TFG: variants seen among roughly 807,000 people sequenced by gnomAD.
TFG encodes trafficking from ER to golgi regulator, also known as protein TFG.
TFG carries 22 observed loss-of-function variants against 51.4 expected under a neutral mutation model. That is an observed-to-expected ratio of 0.43 (90% CI 0.31 to 0.61). The LOEUF (loss-of-function observed/expected upper bound fraction) is 0.61. Among genes scored for constraint, TFG ranks in the 20% least tolerant of loss-of-function variants. The pLI is 0.12. For missense variants in TFG, 419 were observed against 487.7 expected (o/e 0.86, Z 1.33); for synonymous variants, 187 against 165.6 (o/e 1.13, Z -0.99).
rs72928994 is a variant in TFG at position 100,720,814 on chromosome 3, C to T, written c.268+756C>T. On this transcript the variant is annotated intron_variant, in intron 3 of 7. Coordinates refer to ENST00000240851, the MANE Select transcript of TFG (RefSeq NM_006070.6). ...TTTCTTTTAGATCTTAATAGATATGCAAGGCAGAACTCTTAAGGGACAAGA... is the reference window on the plus strand; with the variant it reads ...TTTCTTTTAGATCTTAATAGATATGTAAGGCAGAACTCTTAAGGGACAAGA... Among the ~76,000 whole-genome samples the T allele has an allele frequency of 4.9e-3, 742 of 152,216 alleles. 6 individuals are homozygous for T. The highest frequency in any genetic ancestry group is 0.017 in the African/African-American group (709 of 41,536).
At chr3:100,747,756 A>C (rs1461645501) in intron 7 of TFG, among the ~76,000 whole-genome samples, 1 of 152,194 alleles carries the variant, frequency 6.6e-6, no homozygotes, top group Non-Finnish European at 1.5e-5. Flanking sequence ...TCATATAAAA[A>C]TGTTCATTCT....
intron 3 of TFG, among the ~76,000 whole-genome samples, chr3:100,725,569 G>A (rs929892958): frequency 1.3e-5 from 2 of 148,608 alleles, no homozygotes; most frequent in Non-Finnish European, 3.0e-5. Flanking sequence ...ACGAGGTCAG[G>A]AGTTCGAGAC....
Position 100,748,309 on chromosome 3 carries a change from A to G in TFG, c.981A>G (p.Gln327=), listed in dbSNP as rs759578675. The part of the protein sequence containing the change: ...QQYQASNYPA[Q]TYTAQTSQPT... Reference sequence around the variant, plus strand: ...ACCAGGCGAGCAATTATCCTGCACAAACTTACACTGCCCAAACTTCTCAGC... The same window carrying G: ...ACCAGGCGAGCAATTATCCTGCACAGACTTACACTGCCCAAACTTCTCAGC... The change falls in exon 8 of 8, where the codon CAA becomes CAG. Residue 327 remains glutamine (Q), a synonymous_variant. Coordinates refer to ENST00000240851, the MANE Select transcript of TFG (RefSeq NM_006070.6). The G allele has an allele frequency of 1.7e-5, 27 of 1,613,812 alleles. No homozygotes were observed. In the East Asian group the frequency reaches 5.8e-4, roughly 35 times the overall value.
intron 2 of TFG, among the ~76,000 whole-genome samples, chr3:100,717,206 T>C (rs142528467): frequency 6.6e-6 from 1 of 152,362 alleles, no homozygotes; most frequent in Admixed American, 6.5e-5. Flanking sequence ...GTTCTATGTG[T>C]TCTATTGATC....
chr3:100,742,270 C>T (rs1048571168), intron 6 of TFG, among the ~76,000 whole-genome samples: 3 of 152,156 alleles, frequency 2.0e-5, no homozygotes, highest in South Asian at 4.1e-4. Context: ...AGTGAGATGA[C>T]GTATGAGGAA....
intron 5 of TFG, 112 bp downstream of exon 5, chr3:100,732,784 C>A: frequency 2.2e-6 from 2 of 910,534 alleles, no homozygotes; most frequent in Non-Finnish European, 1.6e-6. Context: ...GTGCACAAAT[C>A]TTAAGGGTTC....
In TFG at chr3:100,713,696, A is replaced by G; in HGVS notation, c.11A>G (p.Gln4Arg). 1 of 1,602,972 alleles carries G rather than the reference A, an allele frequency of 6.2e-7. No homozygotes were observed. The highest frequency in any genetic ancestry group is 8.5e-7 in the Non-Finnish European group (1 of 1,172,996). Reference sequence around the variant, plus strand: ...ATCCTGGAGTCCACCATGAACGGACAGTTGGATCTAAGTGGGAAGCTAATC... The same window carrying G: ...ATCCTGGAGTCCACCATGAACGGACGGTTGGATCTAAGTGGGAAGCTAATC... MNGQLDLSGKLIIK... is the reference protein window; with the variant it reads MNGRLDLSGKLIIK... Residue 4 changes from glutamine to arginine, a missense_variant, in exon 2 of 8, where the codon CAG (glutamine) becomes CGG (arginine). By Grantham distance (43) the Gln-to-Arg change is conservative (BLOSUM62 1). This residue lies in a region of TFG where 22 missense variants were observed against 27.5 expected (regional missense o/e 0.80). Transcript: ENST00000240851.
intron 6 of TFG, among the ~76,000 whole-genome samples, chr3:100,736,976 T>C (rs2095108327): frequency 6.6e-6 from 1 of 152,248 alleles, no homozygotes; most frequent in African/African-American, 2.4e-5. Context: ...TAGTCAGTGG[T>C]GACCCTTGGA....
chr3:100,728,349 TATTAA>T (rs1559713506), intron 3 of TFG, among the ~76,000 whole-genome samples: 1 of 133,712 alleles, frequency 7.5e-6, no homozygotes, highest in Admixed American at 7.7e-5. Context: ...TAATAATTTC[TATTAA>T]ATTTAATAAA....
At chr3:100,737,997 G>A (rs2095111248) in intron 6 of TFG, among the ~76,000 whole-genome samples, 1 of 152,120 alleles carries the variant, frequency 6.6e-6, no homozygotes, top group Non-Finnish European at 1.5e-5. Context: ...AATTGAAGTG[G>A]GTGGTCTAGG....
chr3:100,733,055 T>G (rs2095096339), intron 5 of TFG, among the ~76,000 whole-genome samples: 2 of 152,224 alleles, frequency 1.3e-5, no homozygotes, highest in Non-Finnish European at 2.9e-5. Flanking sequence ...CTCCTCATCT[T>G]AGAGAAATTG....
intron 5 of TFG, among the ~76,000 whole-genome samples, chr3:100,733,877 A>G (rs1042026063): frequency 6.6e-5 from 10 of 152,238 alleles, no homozygotes; most frequent in African/African-American, 2.4e-4. Context: ...TGCCATAGTA[A>G]ACTATGTGCA....
At chr3:100,730,020 G>T (rs540588851) in intron 4 of TFG, among the ~76,000 whole-genome samples, 14 of 152,220 alleles carry the variant, frequency 9.2e-5, no homozygotes, top group South Asian at 8.3e-4. Context: ...GTCAAAGAAG[G>T]TTGCCTATTC....
At chr3:100,736,964 A>G (rs2095108298) in intron 6 of TFG, among the ~76,000 whole-genome samples, 2 of 152,262 alleles carry the variant, frequency 1.3e-5, no homozygotes, top group South Asian at 4.1e-4. Flanking sequence ...AAGACCAGTC[A>G]TTAGTCAGTG....
At chr3:100,729,758 A>T (rs985777256) in intron 4 of TFG, among the ~76,000 whole-genome samples, 3 of 152,168 alleles carry the variant, frequency 2.0e-5, no homozygotes, top group Non-Finnish European at 4.4e-5. Context: ...ATTTTTGGCC[A>T]CTAAATATTT....
intron 5 of TFG, among the ~76,000 whole-genome samples, chr3:100,735,803 C>T (rs1044405071): frequency 1.3e-5 from 2 of 152,114 alleles, no homozygotes; most frequent in Non-Finnish European, 2.9e-5. Context: ...AGTGCTAGGC[C>T]TTGTTCGGCA....
At chr3:100,713,414 C>T (rs2095036308) in intron 1 of TFG, among the ~76,000 whole-genome samples, 1 of 151,998 alleles carries the variant, frequency 6.6e-6, no homozygotes. Context: ...ATGGTCATGT[C>T]AGATGAACAG....
At chr3:100,736,404 GAT>G (rs1025322913) in intron 5 of TFG, among the ~76,000 whole-genome samples, 170 bp from the exon 6 acceptor site, 1 of 152,178 alleles carries the variant, frequency 6.6e-6, no homozygotes, top group Non-Finnish European at 1.5e-5. Flanking sequence ...TGGATTAAGA[GAT>G]TGGAGCAAAG....
At chr3:100,720,177 A>G in intron 3 of TFG, 119 bp downstream of exon 3, 1 of 580,928 alleles carries the variant, frequency 1.7e-6, no homozygotes, top group Non-Finnish European at 2.9e-6. Context: ...TATTACATTT[A>G]TTTGTGTTCA....
Sources: gnomAD v4.1 joint callset for allele counts (sites outside exome capture counted in the v4.1 genomes callset) on GRCh38, gnomAD v4.1.1 for gene constraint, gnomAD v4.1.1 regional missense constraint, MANE v1.5 for transcripts, NCBI Gene and HGNC (gene_info 2026-07-23, HGNC 2026-07-21) for gene names.